The following AGBL2 variants were observed in gnomAD, a reference collection of about 807,000 sequenced individuals.
AGBL2 encodes the protein AGBL carboxypeptidase 2, also known as cytosolic carboxypeptidase 2.
AGBL2 carries 87 observed loss-of-function variants against 103.0 expected under a neutral mutation model. That is an observed-to-expected ratio of 0.84 (90% CI 0.71 to 1.01). AGBL2 has a LOEUF of 1.01. AGBL2 is among the 50% of genes least tolerant of loss of function. The pLI, the probability that AGBL2 is intolerant of heterozygous loss-of-function variation, is 0.00. For synonymous variants in AGBL2, 335 were observed against 356.7 expected, an observed-to-expected ratio of 0.94 and a Z score of 0.69; for missense variants, 904 against 1,023.5, an observed-to-expected ratio of 0.88 and a Z score of 1.59.
intron 9 of AGBL2, among the ~76,000 whole-genome samples, chr11:47,691,729 A>AAAAAAAAAAAAAAAATATAGATAT: frequency 2.1e-4 from 1 of 4,850 alleles, no homozygotes; most frequent in Non-Finnish European, 3.6e-4. Flanking sequence ...AAAAAAAAAA[A>AAAAAAAAAAAAAAAATATAGATAT]ATATATATAT....
In AGBL2 at chr11:47,690,526, T is replaced by G; in HGVS notation, c.1181A>C (p.His394Pro). The G allele has an allele frequency of 6.2e-7, 1 of 1,614,114 alleles. No homozygotes were observed. ...PYDQDTCFFAHFYPYTYTDLQ... is the reference protein window; with the variant it reads ...PYDQDTCFFAPFYPYTYTDLQ... ...ATCAGTGTATGTATATGGGTAGAAGTGTGCAAAGAAGCAAGTGTCCTGGTC... is the reference window on the plus strand; with the variant it reads ...ATCAGTGTATGTATATGGGTAGAAGGGTGCAAAGAAGCAAGTGTCCTGGTC... Residue 394 changes from histidine to proline, a missense_variant, in exon 10 of 19, where the codon CAC (histidine) becomes CCC (proline). By Grantham distance (77) the His-to-Pro change is moderately conservative. Coordinates refer to ENST00000525123, the MANE Select transcript of AGBL2 (RefSeq NM_024783.4).
Position 47,699,448 on chromosome 11 carries a change from G to T in AGBL2, c.692C>A (p.Ser231Ter). Residue 231 changes from serine to a stop codon, truncating the protein, a stop_gained and splice_region_variant, in exon 8 of 19, where the codon TCA becomes TAA. Coordinates refer to ENST00000525123, the MANE Select transcript of AGBL2 (RefSeq NM_024783.4). LOFTEE classifies it high-confidence loss of function. Reference sequence around the variant, plus strand: ...ATTGTTCAGTGTAATGACAATACCTGAATCTAATTGATAGACAACTGTTCC... The same window carrying T: ...ATTGTTCAGTGTAATGACAATACCTTAATCTAATTGATAGACAACTGTTCC... ...KKGTVVYQLD[S>*]VPIEGSYFTS... 1 of 1,500,224 alleles carries T rather than the reference G, an allele frequency of 6.7e-7. No individual in the cohort carries two copies. The highest frequency in any genetic ancestry group is 9.2e-7 in the Non-Finnish European group (1 of 1,082,636). 92.9% of individuals were successfully genotyped at this position (1,500,224 alleles called of 1,614,324 possible).
chr11:47,704,477 C>T (rs529870583), intron 7 of AGBL2, 66 bp downstream of exon 7: 148 of 1,282,324 alleles, frequency 1.2e-4, no homozygotes, highest in Middle Eastern at 4.3e-4. Context: ...AGTGAGACTT[C>T]GTCTCAAAAA....
Position 47,680,044 on chromosome 11 carries a change from C to T in AGBL2, c.1945G>A (p.Glu649Lys), listed in dbSNP as rs773847850. Residue 649 changes from glutamate (E) to lysine (K), a missense_variant, in exon 13 of 19, where the codon GAA becomes AAA. Physicochemically the swap from Glu to Lys is moderately conservative, Grantham distance 56. Transcript: ENST00000525123. ...GNKRDTHFTI[E>K]DLKSLGYHVC... is the part of the protein sequence containing the mutation. ...TGATAACCTAAGGACTTCAGATCTT[C>T]GATGGTAAAGTGGGTGTCTCTTTTA... 36 of 1,610,666 alleles carry T rather than the reference C, an allele frequency of 2.2e-5. No homozygotes were observed. The highest frequency in any genetic ancestry group is 1.3e-4 in the South Asian group (12 of 90,874).
Position 47,690,712 on chromosome 11 carries a change from T to C in AGBL2, c.995A>G (p.Tyr332Cys). ...IVNLLKPKSL[Y>C]TVGMKPLLYS... ...CAAGAGTGGCTTCATCCCTACAGTATAAAGACTCTTGGGTTTTAGCAAGTT... is the reference window on the plus strand; with the variant it reads ...CAAGAGTGGCTTCATCCCTACAGTACAAAGACTCTTGGGTTTTAGCAAGTT... Residue 332 changes from tyrosine to cysteine, a missense_variant, in exon 10 of 19, where the codon TAT becomes TGT. By Grantham distance (194) the Tyr-to-Cys change is radical. Transcript: ENST00000525123. The C allele has an allele frequency of 6.2e-7, 1 of 1,614,132 alleles. No homozygotes were observed. Among genetic ancestry groups the C allele is most frequent in the Non-Finnish European group, 8.5e-7 (1 of 1,180,026 alleles).
At chr11:47,668,727 T>C in intron 15 of AGBL2, 114 bp downstream of exon 15, 1 of 765,550 alleles carries the variant, frequency 1.3e-6, no homozygotes. Context: ...GTTAGGACAT[T>C]ACTGTATATT....
chr11:47,706,039 A>T, intron 4 of AGBL2, 122 bp from the exon 5 acceptor site: 1 of 755,608 alleles, frequency 1.3e-6, no homozygotes, highest in Non-Finnish European at 2.3e-6. Flanking sequence ...TTCTATCTAA[A>T]TCTTTCTCCC....
At chr11:47,662,585 C>T (rs577951351) in intron 18 of AGBL2, among the ~76,000 whole-genome samples, 13 of 150,394 alleles carry the variant, frequency 8.6e-5, no homozygotes, top group African/African-American at 7.3e-5. Flanking sequence ...CTCTGCCTCC[C>T]GGGTTCAAGC....
intron 6 of AGBL2, chr11:47,705,001 A>T (rs545535695): frequency 3.7e-6 from 1 of 267,884 alleles, no homozygotes; most frequent in South Asian, 1.4e-4. Flanking sequence ...TAATGGTCCA[A>T]GACATTTCAA....
intron 14 of AGBL2, among the ~76,000 whole-genome samples, chr11:47,671,360 C>CAA (rs574965604): frequency 1.1e-4 from 17 of 148,400 alleles, no homozygotes; most frequent in African/African-American, 4.0e-4. Flanking sequence ...ACTAAAAATA[C>CAA]AAAAAAAAAA....
chr11:47,675,776 C>T (rs1324017568), intron 14 of AGBL2, among the ~76,000 whole-genome samples: 3 of 151,950 alleles, frequency 2.0e-5, no homozygotes, highest in East Asian at 1.9e-4. Context: ...GAGGCTGAGG[C>T]GGGCAGATCC....
At chr11:47,683,807 G>C (rs2097412019) in intron 11 of AGBL2, among the ~76,000 whole-genome samples, 1 of 151,628 alleles carries the variant, frequency 6.6e-6, no homozygotes, top group Non-Finnish European at 1.5e-5. Flanking sequence ...TCTAAAGCCA[G>C]TGCAGTGGCT....
At chr11:47,693,716 A>G (rs2097456686) in intron 8 of AGBL2, among the ~76,000 whole-genome samples, 1 of 152,226 alleles carries the variant, frequency 6.6e-6, no homozygotes, top group African/African-American at 2.4e-5. Flanking sequence ...AATTCCATAT[A>G]AATTTGAGGA....
chr11:47,665,831 G>A (rs186201080), intron 17 of AGBL2, among the ~76,000 whole-genome samples: 1,667 of 151,756 alleles, frequency 0.011, 15 homozygotes, highest in Middle Eastern at 0.021. Context: ...CCAACATGGT[G>A]AAACCCCGTC....
intron 3 of AGBL2, among the ~76,000 whole-genome samples, chr11:47,712,273 CT>C (rs1370599072): frequency 6.6e-6 from 1 of 151,986 alleles, no homozygotes; most frequent in African/African-American, 2.4e-5. Flanking sequence ...AACCTCCCCC[CT>C]GTAGATAAGG....
chr11:47,707,922 T>G (rs1186152168), intron 4 of AGBL2, among the ~76,000 whole-genome samples: 1 of 152,132 alleles, frequency 6.6e-6, no homozygotes, highest in African/African-American at 2.4e-5. Flanking sequence ...TCATCTTTTT[T>G]GTTTGTGTTT....
At position 47,705,539 on chromosome 11, in the gene AGBL2, G is replaced by A. The variant is rs953832315; in HGVS notation, c.382C>T (p.Arg128Ter). ...CACATGCCTGTAATCCCAGCTACTC[G>A]GAAAGCTGAGGCAGGAGAATCCTTG... The part of the protein sequence containing the change: ...RFKDSPASAF[R>*]VAGITDSHML... The change falls in exon 6 of 19, where the codon CGA becomes TGA. Residue 128 changes from arginine (R) to a stop codon, truncating the protein, a stop_gained. Coordinates refer to ENST00000525123, the MANE Select transcript of AGBL2 (RefSeq NM_024783.4). LOFTEE classifies it high-confidence loss of function. 4 of 390,104 alleles carry A rather than the reference G, an allele frequency of 1.0e-5. No homozygotes were observed. Among genetic ancestry groups the A allele is most frequent in the African/African-American group, 6.2e-5 (3 of 48,040 alleles). 24.2% of individuals were successfully genotyped at this position (390,104 alleles called of 1,614,324 possible).
chr11:47,680,747 C>T (rs11039335), intron 12 of AGBL2, among the ~76,000 whole-genome samples: 4,149 of 148,154 alleles, frequency 0.028, 68 homozygotes, highest in Non-Finnish European at 0.038. Context: ...GCTGGGATTG[C>T]GCCACTGCAC....
Position 47,690,418 on chromosome 11 carries a change from G to T in AGBL2, c.1289C>A (p.Ala430Glu), listed in dbSNP as rs1173795545. The change falls in exon 10 of 19, where the codon GCA becomes GAA. Residue 430 changes from alanine (A) to glutamate (E), a missense_variant. Transcript: ENST00000525123. ...GGTGAGCAAGTAAACGGTATTTCCT[G>T]CTAGGCTCCTGCATAAAGTTTGGAG... ...CKLQTLCRSL[A>E]GNTVYLLTIT... 1 of 1,614,044 alleles carries T rather than the reference G, an allele frequency of 6.2e-7. No homozygotes were observed. The highest frequency in any genetic ancestry group is 8.5e-7 in the Non-Finnish European group (1 of 1,180,032).
Sources: allele counts gnomAD v4.1 joint callset (sites outside exome capture counted in the v4.1 genomes callset), GRCh38; gene constraint gnomAD v4.1.1; transcripts MANE v1.5; gene names NCBI Gene and HGNC (gene_info 2026-07-23, HGNC 2026-07-21).